The following GCM1 variants were observed in gnomAD, a reference collection of about 807,000 sequenced individuals.
GCM1 encodes the protein GCM transcription factor 1.
GCM1 carries 2 observed loss-of-function variants against 25.7 expected under a neutral mutation model. That is an observed-to-expected ratio of 0.08 (90% CI 0.03 to 0.24). The LOEUF is 0.24. Among genes scored for constraint, GCM1 ranks in the 10% least tolerant of loss-of-function variants. The pLI is 1.00. For missense variants in GCM1, 395 were observed against 538.7 expected (o/e 0.73, Z 2.64); for synonymous variants, 183 against 195.7 (o/e 0.94, Z 0.54).
At chr6:53,143,693 C>T (rs1763911336) in intron 2 of GCM1, among the ~76,000 whole-genome samples, 1 of 152,002 alleles carries the variant, frequency 6.6e-6, no homozygotes, top group African/African-American at 2.4e-5. Context: ...ACACAAATCC[C>T]TAAAATCGAT....
intron 3 of GCM1, among the ~76,000 whole-genome samples, chr6:53,132,527 T>A (rs1479882250): frequency 6.6e-6 from 1 of 152,104 alleles, no homozygotes; most frequent in African/African-American, 2.4e-5. Flanking sequence ...GCCTGGCCAA[T>A]ATGGTGAAAT....
chr6:53,131,871 G>T (rs974309318), intron 4 of GCM1, 136 bp downstream of exon 4: 4 of 664,718 alleles, frequency 6.0e-6, no homozygotes, highest in African/African-American at 5.4e-5. Flanking sequence ...TATTAGAAGT[G>T]CAGGGGACAG....
chr6:53,131,023 G>GC (rs1305331972), intron 4 of GCM1, 92 bp from the exon 5 acceptor site: 10 of 1,212,906 alleles, frequency 8.2e-6, no homozygotes, highest in Non-Finnish European at 1.2e-5. Flanking sequence ...TGTGTGTCCT[G>GC]CCCCGGGGGT....
chr6:53,147,718 T>G (rs11756128), intron 1 of GCM1, among the ~76,000 whole-genome samples: 1 of 151,984 alleles, frequency 6.6e-6, no homozygotes, highest in African/African-American at 2.4e-5. Context: ...CATGAGCCAC[T>G]GTGCCCGGCC....
intron 2 of GCM1, among the ~76,000 whole-genome samples, chr6:53,142,000 G>GGAAAAAAAAAAAAAAAAA (rs1259951702): frequency 4.9e-4 from 6 of 12,294 alleles, no homozygotes; most frequent in Non-Finnish European, 8.4e-4. Flanking sequence ...GTGAGACCCT[G>GGAAAAAAAAAAAAAAAAA]AAAAAAAAAA....
intron 4 of GCM1, 152 bp from the exon 5 acceptor site, chr6:53,131,083 C>T: frequency 1.4e-6 from 1 of 691,080 alleles, no homozygotes; most frequent in Non-Finnish European, 2.5e-6. Flanking sequence ...TCTGAAGGCG[C>T]TCCCAAGCCC....
intron 2 of GCM1, among the ~76,000 whole-genome samples, chr6:53,142,030 A>C (rs1226856666): frequency 1.3e-4 from 18 of 140,340 alleles, no homozygotes; most frequent in African/African-American, 2.7e-4. Context: ...AAAAAAAAAA[A>C]AAAAAAAAAA....
At chr6:53,133,973 T>G in intron 3 of GCM1, 99 bp downstream of exon 3, 17 of 1,167,684 alleles carry the variant, frequency 1.5e-5, no homozygotes, top group Non-Finnish European at 2.1e-5. Flanking sequence ...TCCAGGGTGA[T>G]GGTTTTGCCC....
intron 2 of GCM1, among the ~76,000 whole-genome samples, chr6:53,134,559 GC>G (rs1763770948): frequency 6.6e-6 from 1 of 152,204 alleles, no homozygotes; most frequent in East Asian, 1.9e-4. Context: ...ATAAATGATA[GC>G]CCCTGTGAGT....
intron 2 of GCM1, among the ~76,000 whole-genome samples, chr6:53,135,583 C>T (rs1763786253): frequency 6.6e-6 from 1 of 152,224 alleles, no homozygotes; most frequent in Admixed American, 6.5e-5. Flanking sequence ...ACAGACCCTT[C>T]CTTGTTCTTA....
Position 53,128,914 on chromosome 6 carries a change from A to T in GCM1, c.603T>A (p.Ser201Arg). The T allele has an allele frequency of 6.2e-7, 1 of 1,613,240 alleles. No individual in the cohort carries two copies. The highest frequency in any genetic ancestry group is 8.5e-7 in the Non-Finnish European group (1 of 1,179,378). The change falls in exon 6 of 6, where the codon AGT (serine) becomes AGA (arginine). Residue 201 changes from serine to arginine, a missense_variant. Around this residue, in one of 5 missense-constraint regions of GCM1, gnomAD observed 291 missense variants for 314.6 expected, o/e 0.92. Transcript: ENST00000259803. ...CCTGGAAAGACCAAGTTAAAGGTAA[A>T]CTCCCCTGACTTTGTGTTTCACCTG... is the stretch of plus-strand genomic sequence containing the variant. ...SLPGETQSQG[S>R]LPLTWSFQEG...
chr6:53,135,035 G>C (rs958487753), intron 2 of GCM1, among the ~76,000 whole-genome samples: 11 of 152,252 alleles, frequency 7.2e-5, no homozygotes, highest in African/African-American at 2.4e-4. Flanking sequence ...ACATGACAAG[G>C]GAGTAAGAAA....
Position 53,128,333 on chromosome 6 carries a change from G to C in GCM1, c.1184C>G (p.Ser395Cys). The change falls in exon 6 of 6, where the codon TCT becomes TGT. Residue 395 changes from serine (S) to cysteine (C), a missense_variant. This residue lies in a region of GCM1 where 291 missense variants were observed against 314.6 expected (regional missense o/e 0.92). Transcript: ENST00000259803. The part of the protein sequence containing the change: ...QEDPFLFTYA[S>C]HPHQQYSLPS... ...CAGTGAATATTGCTGATGAGGATGA[G>C]AGGCGTAGGTGAAGAGAAAGGGGTC... 2 of 1,614,082 alleles carry C rather than the reference G, an allele frequency of 1.2e-6. No homozygotes were observed. The highest frequency in any genetic ancestry group is 1.7e-6 in the Non-Finnish European group (2 of 1,179,966).
In GCM1 at chr6:53,142,000, G is replaced by GGAAAAAAAAAAAAAAA. The variant is rs1259951702; in HGVS notation, c.75+3557_75+3558insTTTTTTTTTTTTTTTC. On this transcript the variant is annotated intron_variant, in intron 2 of 5. Coordinates refer to ENST00000259803, the MANE Select transcript of GCM1 (RefSeq NM_003643.4). ...GCTTGGGTAATGAGAGTGAGACCCT[G>GGAAAAAAAAAAAAAAA]AAAAAAAAAAAAAAAAAAAAAAAAA... is the stretch of plus-strand genomic sequence containing the variant. Among the ~76,000 whole-genome samples, 9 of 12,290 alleles carry GGAAAAAAAAAAAAAAA rather than the reference G, an allele frequency of 7.3e-4. 1 individual carries two copies. The highest frequency in any genetic ancestry group is 1.5e-3 in the Non-Finnish European group (9 of 5,938). 8.1% of individuals were successfully genotyped at this position (12,290 alleles called of 152,430 possible). A position where few individuals can be genotyped will look rare whatever the true frequency, so the allele number is the denominator to read the frequency against.
Position 53,128,376 on chromosome 6 carries a change from A to G in GCM1, c.1141T>C (p.Tyr381His). ...DFNSYVQSPA[Y>H]HSPQEDPFLF... ...AAGGGGTCTTCTTGAGGTGAATGGTATGCAGGAGACTGGACGTAGCTGTTA... is the reference window on the plus strand; with the variant it reads ...AAGGGGTCTTCTTGAGGTGAATGGTGTGCAGGAGACTGGACGTAGCTGTTA... Residue 381 changes from tyrosine (Y) to histidine (H), a missense_variant, in exon 6 of 6, where the codon TAC becomes CAC. Physicochemically the swap from Tyr to His is moderately conservative, Grantham distance 83. This residue lies in a region of GCM1 where 291 missense variants were observed against 314.6 expected (regional missense o/e 0.92). Transcript: ENST00000259803. 3 of 1,613,840 alleles carry G rather than the reference A, an allele frequency of 1.9e-6. No homozygotes were observed. Among genetic ancestry groups the G allele is most frequent in the Non-Finnish European group, 2.5e-6 (3 of 1,179,726 alleles).
chr6:53,138,956 G>A (rs931144497), intron 2 of GCM1, among the ~76,000 whole-genome samples: 10 of 152,090 alleles, frequency 6.6e-5, no homozygotes, highest in Admixed American at 2.0e-4. Flanking sequence ...AGTATGTATT[G>A]TTATATAAAA....
At chr6:53,139,623 T>G (rs1763846713) in intron 2 of GCM1, among the ~76,000 whole-genome samples, 1 of 152,076 alleles carries the variant, frequency 6.6e-6, no homozygotes, top group South Asian at 2.1e-4. Flanking sequence ...ATCCCGGCAC[T>G]TTGGGAAGCT....
intron 2 of GCM1, among the ~76,000 whole-genome samples, chr6:53,140,530 C>A (rs376580795): frequency 7.9e-4 from 101 of 128,494 alleles, no homozygotes; most frequent in Non-Finnish European, 9.3e-4. Flanking sequence ...TTCTCTCTAC[C>A]AAAAAAAAAA....
At chr6:53,135,101 T>G (rs1420775446) in intron 2 of GCM1, among the ~76,000 whole-genome samples, 1 of 152,248 alleles carries the variant, frequency 6.6e-6, no homozygotes. Flanking sequence ...CGCTATGCCC[T>G]GTGTATGAAC....
Sources: gnomAD v4.1 joint callset for allele counts (sites outside exome capture counted in the v4.1 genomes callset) on GRCh38, gnomAD v4.1.1 for gene constraint, gnomAD v4.1.1 regional missense constraint, MANE v1.5 for transcripts, NCBI Gene and HGNC (gene_info 2026-07-23, HGNC 2026-07-21) for gene names.